S100A10: variants seen among roughly 807,000 people sequenced by gnomAD.
S100A10 encodes protein S100-A10.
Under a neutral mutation model 7.1 loss-of-function variants are expected in S100A10, and 3 were observed. The observed-to-expected ratio is 0.42, with a 90% CI of 0.19 to 1.10. The LOEUF is 1.10. Ranked by LOEUF, S100A10 falls within the 50% of genes least tolerant of loss-of-function variation. The pLI is 0.29. For synonymous variants in S100A10, 41 were observed against 39.3 expected (o/e 1.04, Z -0.16); for missense variants, 101 against 118.1 (o/e 0.86, Z 0.67).
intron 2 of S100A10, among the ~76,000 whole-genome samples, chr1:151,984,909 G>A (rs1051260568): frequency 3.3e-5 from 5 of 152,272 alleles, no homozygotes; most frequent in African/African-American, 1.2e-4. Flanking sequence ...CTAACTCCTG[G>A]TCTGGGGCTA....
chr1:151,989,536 ACT>A (rs1655862309), intron 1 of S100A10, among the ~76,000 whole-genome samples: 1 of 152,192 alleles, frequency 6.6e-6, no homozygotes, highest in East Asian at 1.9e-4. Context: ...ACAGCAAGGA[ACT>A]CTGTTTTGGG....
intron 1 of S100A10, 44 bp from the exon 2 acceptor site, chr1:151,986,295 T>C (rs549020733): frequency 1.1e-5 from 16 of 1,395,226 alleles, no homozygotes; most frequent in South Asian, 5.7e-5. Context: ...TAACTTTTTT[T>C]GGCAGACTTT....
At chr1:151,987,884 G>C (rs1045590771) in intron 1 of S100A10, among the ~76,000 whole-genome samples, 2 of 152,156 alleles carry the variant, frequency 1.3e-5, no homozygotes, top group African/African-American at 4.8e-5. Flanking sequence ...AAAGACAGTT[G>C]CATCTCTGGC....
rs1399511933 is a variant in S100A10, at chr1:151,993,560, CG to C, written c.-22+191del. On this transcript the variant is annotated intron_variant, in intron 1 of 2. Transcript: ENST00000368811. The surrounding 1 kb of genome is among the most constrained non-coding windows in gnomAD (Gnocchi z 5.1). ...GGTCTGGGGGCGGCCGCGCCCGGGC[CG>C]GGGAGGGGCGCTGCTGGCCTCGTTT... 6.6e-6 allele frequency among the ~76,000 whole-genome samples: 1 copy of C among 152,122 alleles called. No homozygotes were observed. The highest frequency in any genetic ancestry group is 1.5e-5 in the Non-Finnish European group (1 of 68,006).
At chr1:151,990,530 T>C (rs1332454021) in intron 1 of S100A10, among the ~76,000 whole-genome samples, 1 of 152,224 alleles carries the variant, frequency 6.6e-6, no homozygotes, top group African/African-American at 2.4e-5. Flanking sequence ...GAGACATCTT[T>C]CTCTGCATAG....
At chr1:151,987,782 C>T (rs1323020936) in intron 1 of S100A10, among the ~76,000 whole-genome samples, 1 of 152,194 alleles carries the variant, frequency 6.6e-6, no homozygotes, top group Admixed American at 6.5e-5. Context: ...CCCACCTCGG[C>T]CTCCCAAAGT....
At chr1:151,986,969 T>C (rs1381457111) in intron 1 of S100A10, among the ~76,000 whole-genome samples, 3 of 150,764 alleles carry the variant, frequency 2.0e-5, no homozygotes, top group Non-Finnish European at 4.4e-5. Context: ...CTAATTTGCA[T>C]GAATAATCTA....
In S100A10 at chr1:151,983,235, G is replaced by A; in HGVS notation, c.222C>T (p.Ser74=). 6.2e-7 allele frequency: 1 copy of A among 1,606,678 alleles called. No homozygotes were observed. Among genetic ancestry groups the A allele is most frequent in the Non-Finnish European group, 8.5e-7 (1 of 1,177,130 alleles). ...ATGCAATGGTGAGGCCCGCAATTAG[G>A]GAAAAGAAGCTCTGGAAGCCCACTT... The part of the protein sequence containing the change: ...DGKVGFQSFF[S]LIAGLTIACN... Residue 74 remains serine (S), a synonymous_variant, in exon 3 of 3, where the codon TCC becomes TCT. Coordinates refer to ENST00000368811, the MANE Select transcript of S100A10 (RefSeq NM_002966.3).
Position 151,983,052 on chromosome 1 carries a change from G to T in S100A10, c.*111C>A. ...TAGATTTTATTTTTACATTTGCTAA[G>T]TGTCCTGATCTGCTCATGAAATCCT... On this transcript the variant is annotated 3_prime_UTR_variant, in exon 3 of 3. Transcript: ENST00000368811. 1 of 615,026 alleles carries T rather than the reference G, an allele frequency of 1.6e-6. No homozygotes were observed. Among genetic ancestry groups the T allele is most frequent in the Non-Finnish European group, 2.6e-6 (1 of 391,920 alleles). The allele number at this position is 615,026 out of a possible 1,614,324, so 38.1% of individuals were successfully genotyped here.
chr1:151,993,772 CGCTGGGCGA>C lies in S100A10; in HGVS notation c.-51_-43del, dbSNP rs77638008. The C allele has an allele frequency of 4.5e-5, 7 of 156,364 alleles. No homozygotes were observed. Among genetic ancestry groups the C allele is most frequent in the African/African-American group, 1.4e-4 (6 of 41,472 alleles). The allele number at this position is 156,364 out of a possible 1,614,324, so 9.7% of individuals were successfully genotyped here. Reference sequence around the variant, plus strand: ...CTCACCTTGGCCGAGGCGCGGCGGACGCTGGGCGAGCTGGGCGAGCTGGACGCGGGGCGG... The same window carrying C: ...CTCACCTTGGCCGAGGCGCGGCGGACGCTGGGCGAGCTGGACGCGGGGCGG... On this transcript the variant is annotated 5_prime_UTR_variant, in exon 1 of 3. Transcript: ENST00000368811. This position sits in a 1 kb window ranked among gnomAD's most constrained non-coding sequence, Gnocchi z 5.1.
rs953069310 is a variant in S100A10, at chr1:151,985,876, C to T, written c.132+223G>A. On this transcript the variant is annotated intron_variant, in intron 2 of 2. Coordinates refer to ENST00000368811, the MANE Select transcript of S100A10 (RefSeq NM_002966.3). Reference sequence around the variant, plus strand: ...TCCTTGAAGGTTGGGGCTGTGTCTTCATTACTTTGTTTCCTCAACAGTATC... The same window carrying T: ...TCCTTGAAGGTTGGGGCTGTGTCTTTATTACTTTGTTTCCTCAACAGTATC... Among the ~76,000 whole-genome samples the T allele has an allele frequency of 4.6e-5, 7 of 152,166 alleles. No individual in the cohort carries two copies. In the East Asian group the frequency reaches 1.4e-3, roughly 29 times the overall value.
intron 1 of S100A10, among the ~76,000 whole-genome samples, chr1:151,989,279 G>A (rs1450929241): frequency 2.0e-5 from 3 of 152,160 alleles, no homozygotes; most frequent in Admixed American, 2.0e-4. Context: ...ACGAAGTGAC[G>A]GAGCTTCCTT....
intron 2 of S100A10, among the ~76,000 whole-genome samples, 157 bp from the exon 3 acceptor site, chr1:151,983,481 T>C (rs893568176): frequency 6.6e-6 from 1 of 150,618 alleles, no homozygotes; most frequent in Non-Finnish European, 1.5e-5. Flanking sequence ...TAAATGTATT[T>C]TTTTTTTTTT....
At position 151,983,145 on chromosome 1, in the gene S100A10, C is replaced by G. The variant is rs762941945; in HGVS notation, c.*18G>C. 2.6e-6 allele frequency: 4 copies of G among 1,530,276 alleles called. No individual in the cohort carries two copies. Among genetic ancestry groups the G allele is most frequent in the Non-Finnish European group, 1.7e-6 (2 of 1,143,686 alleles). 94.8% of individuals were successfully genotyped at this position (1,530,276 alleles called of 1,614,324 possible). ...TGGGACAACTCTTATCAGGGAGGAG[C>G]GAACTGCTCATTTCTGCCTACTTCT... On this transcript the variant is annotated 3_prime_UTR_variant, in exon 3 of 3. Transcript: ENST00000368811.
rs1362445111 is a variant in S100A10 at position 151,993,409 on chromosome 1, G to T, written c.-22+343C>A. 6.6e-6 allele frequency among the ~76,000 whole-genome samples: 1 copy of T among 152,158 alleles called. No individual in the cohort carries two copies. The highest frequency in any genetic ancestry group is 2.4e-5 in the African/African-American group (1 of 41,430). The stretch of plus-strand genomic sequence containing the variant: ...GGAGGGATTCGGTAACCCGAGAGAC[G>T]AGTGGGAAAGTAGGAAAGGTGGGAG... On this transcript the variant is annotated intron_variant, in intron 1 of 2. Transcript: ENST00000368811. This position sits in a 1 kb window ranked among gnomAD's most constrained non-coding sequence, Gnocchi z 5.1.
intron 1 of S100A10, among the ~76,000 whole-genome samples, chr1:151,991,217 G>C (rs1466555508): frequency 6.6e-6 from 1 of 152,158 alleles, no homozygotes; most frequent in Non-Finnish European, 1.5e-5. Flanking sequence ...ATTGAACCCA[G>C]AAGGCATTCT....
intron 2 of S100A10, 55 bp from the exon 3 acceptor site, chr1:151,983,379 G>A: frequency 8.0e-7 from 1 of 1,252,630 alleles, no homozygotes; most frequent in Non-Finnish European, 1.1e-6. Context: ...GCAATGAGGA[G>A]CTTATTTGAT....
rs933134255 is a variant in S100A10 at position 151,993,642 on chromosome 1, C to A, written c.-22+110G>T. The A allele has an allele frequency of 1.2e-4, 19 of 152,402 alleles. No individual in the cohort carries two copies. The highest frequency in any genetic ancestry group is 4.6e-4 in the African/African-American group (19 of 41,442). 9.4% of individuals were successfully genotyped at this position (152,402 alleles called of 1,614,324 possible). On this transcript the variant is annotated intron_variant, in intron 1 of 2. Coordinates refer to ENST00000368811, the MANE Select transcript of S100A10 (RefSeq NM_002966.3). The surrounding 1 kb of genome is among the most constrained non-coding windows in gnomAD (Gnocchi z 5.1). ...TCCCCACCAGCCGCTCCCCGCCCAGCCCCGCGGTGCTCCGGACGCCCCGCG... is the reference window on the plus strand; with the variant it reads ...TCCCCACCAGCCGCTCCCCGCCCAGACCCGCGGTGCTCCGGACGCCCCGCG...
At chr1:151,983,357 A>C (rs2101767145) in intron 2 of S100A10, 33 bp from the exon 3 acceptor site, 1 of 1,453,980 alleles carries the variant, frequency 6.9e-7, no homozygotes, top group Non-Finnish European at 9.1e-7. Context: ...CAAGAAATAG[A>C]AGTCAAAGGT....
Sources: gnomAD v4.1 joint callset for allele counts (sites outside exome capture counted in the v4.1 genomes callset) on GRCh38, gnomAD v4.1.1 for gene constraint, Gnocchi (gnomAD v3.1) non-coding constraint, MANE v1.5 for transcripts, NCBI Gene and HGNC (gene_info 2026-07-23, HGNC 2026-07-21) for gene names.